PCBP3: variants seen among roughly 807,000 people sequenced by gnomAD.
PCBP3 encodes the protein poly(rC)-binding protein 3.
Under a neutral mutation model 52.7 loss-of-function variants are expected in PCBP3, and 25 were observed. That is an observed-to-expected ratio of 0.47 (90% CI 0.35 to 0.66). PCBP3 has a LOEUF of 0.66. Among genes scored for constraint, PCBP3 ranks in the 30% least tolerant of loss-of-function variants. PCBP3 has a pLI of 0.01. For synonymous variants in PCBP3, 162 were observed against 183.0 expected, an observed-to-expected ratio of 0.89 and a Z score of 0.93; for missense variants, 391 against 490.3, an observed-to-expected ratio of 0.80 and a Z score of 1.91.
intron 2 of PCBP3, among the ~76,000 whole-genome samples, chr21:45,697,654 A>G (rs974754438): frequency 1.3e-5 from 2 of 151,562 alleles, no homozygotes; most frequent in African/African-American, 4.9e-5. Context: ...CTGAGATGGG[A>G]GGATTGCTCG....
chr21:45,747,011 C>T (rs1011272738), intron 3 of PCBP3, among the ~76,000 whole-genome samples: 2 of 151,994 alleles, frequency 1.3e-5, no homozygotes, highest in African/African-American at 4.8e-5. Context: ...TTGTCAGCAT[C>T]GCTGTGTCAG....
At chr21:45,726,921 TAC>T (rs1165489047) in intron 2 of PCBP3, among the ~76,000 whole-genome samples, 2 of 152,382 alleles carry the variant, frequency 1.3e-5, no homozygotes, top group South Asian at 2.1e-4. Context: ...ATATTCTGGA[TAC>T]AGTCTTTTAT....
chr21:45,805,325 GA>G lies in PCBP3; in HGVS notation c.-125-44633del, dbSNP rs1395794138. Among the ~76,000 whole-genome samples, 7 of 152,072 alleles carry G rather than the reference GA, an allele frequency of 4.6e-5. No homozygotes were observed. ...AACCCCCCAGGTGGTGTCTGGGGGG[GA>G]AAGTAATTGGAAGATTATGGGTGGG... On this transcript the variant is annotated intron_variant, in intron 4 of 17. Coordinates refer to ENST00000681687, the MANE Select transcript of PCBP3 (RefSeq NM_001384156.1). This position sits in a 1 kb window ranked among gnomAD's most constrained non-coding sequence, Gnocchi z 4.6.
chr21:45,912,391 A>T (rs1008480843), intron 11 of PCBP3, among the ~76,000 whole-genome samples: 3 of 152,178 alleles, frequency 2.0e-5, no homozygotes, highest in Non-Finnish European at 2.9e-5. Flanking sequence ...CCCTCAGATG[A>T]AGAGTGACTG....
At chr21:45,925,539 C>G (rs2075285163) in intron 13 of PCBP3, among the ~76,000 whole-genome samples, 2 of 151,838 alleles carry the variant, frequency 1.3e-5, no homozygotes, top group Admixed American at 6.6e-5. Flanking sequence ...TTAAGCTGAA[C>G]AAATAGGCAA....
intron 3 of PCBP3, chr21:45,751,067 G>T (rs1448691526): frequency 6.6e-6 from 1 of 152,140 alleles, no homozygotes; most frequent in African/African-American, 2.4e-5. Context: ...TCCCAGCTCT[G>T]TGTTTAGTGA....
chr21:45,713,732 C>T (rs1157065729), intron 2 of PCBP3, among the ~76,000 whole-genome samples: 1 of 152,190 alleles, frequency 6.6e-6, no homozygotes, highest in Non-Finnish European at 1.5e-5. Context: ...AGCAGCCTCT[C>T]GATGGTGCTG....
At position 45,778,487 on chromosome 21, in the gene PCBP3, G is replaced by A. The variant is rs187945258; in HGVS notation, c.-126+23035G>A. Among the ~76,000 whole-genome samples the A allele has an allele frequency of 4.3e-4, 65 of 152,306 alleles. No individual in the cohort carries two copies. In the East Asian group the frequency reaches 0.011, roughly 26 times the overall value. On this transcript the variant is annotated intron_variant, in intron 4 of 17. Coordinates refer to ENST00000681687, the MANE Select transcript of PCBP3 (RefSeq NM_001384156.1). ...GCGCCCCTGGGAAACTGGCATGGGC[G>A]ATGACAATAGCAGTGGTGGGATGAT...
chr21:45,929,539 C>T (rs761224648), intron 13 of PCBP3, among the ~76,000 whole-genome samples: 11 of 152,230 alleles, frequency 7.2e-5, no homozygotes, highest in Non-Finnish European at 1.5e-4. Context: ...CCTTGAATCT[C>T]CTAGAAGTGC....
At position 45,901,051 on chromosome 21, in the gene PCBP3, A is replaced by G. The variant is rs773592828; in HGVS notation, c.277A>G (p.Ile93Val). 6 of 1,614,122 alleles carry G rather than the reference A, an allele frequency of 3.7e-6. No homozygotes were observed. The East Asian group carries it at 8.9e-5, about 24-fold the overall frequency. ...EGNCPERIVT[I>V]TGPTDAIFKA... ...AAACTGCCCAGAGAGGATTGTGACC[A>G]TCACAGGCCCCACAGACGCCATCTT... is the stretch of plus-strand genomic sequence containing the variant. Residue 93 changes from isoleucine (I) to valine (V), a missense_variant, in exon 9 of 18, where the codon ATC becomes GTC. By Grantham distance (29) the Ile-to-Val change is conservative. Coordinates refer to ENST00000681687, the MANE Select transcript of PCBP3 (RefSeq NM_001384156.1).
rs192311209 is a variant in PCBP3 at position 45,694,481 on chromosome 21, C to G, written c.-200+25529C>G. On this transcript the variant is annotated intron_variant, in intron 2 of 17. Transcript: ENST00000681687. ...ATATATTACCAGAGAAAAAGAAGGT[C>G]ATTGCATAATTATAAAAGGGCTAGT... is the stretch of plus-strand genomic sequence containing the variant. Among the ~76,000 whole-genome samples the G allele has an allele frequency of 3.2e-3, 492 of 152,176 alleles. 1 individual carries two copies. Among genetic ancestry groups the G allele is most frequent in the Non-Finnish European group, 5.4e-3 (366 of 67,992 alleles).
chr21:45,703,383 C>T (rs927747359), intron 2 of PCBP3, among the ~76,000 whole-genome samples: 11 of 152,360 alleles, frequency 7.2e-5, no homozygotes, highest in Non-Finnish European at 1.3e-4. Flanking sequence ...TACTCCTTGA[C>T]CCGTGTCTTG....
chr21:45,730,520 A>C (rs1356315004), intron 2 of PCBP3, among the ~76,000 whole-genome samples: 1 of 152,090 alleles, frequency 6.6e-6, no homozygotes, highest in African/African-American at 2.4e-5. Flanking sequence ...AATTGTGTGG[A>C]GTGTTCTATA....
At chr21:45,659,953 A>G (rs1467133164) in intron 1 of PCBP3, among the ~76,000 whole-genome samples, 4 of 152,180 alleles carry the variant, frequency 2.6e-5, no homozygotes, top group Non-Finnish European at 4.4e-5. Context: ...AATGTCTGCT[A>G]GGTCTAATTA....
chr21:45,680,237 T>G (rs1200447088), intron 2 of PCBP3, among the ~76,000 whole-genome samples: 1 of 152,222 alleles, frequency 6.6e-6, no homozygotes, highest in African/African-American at 2.4e-5. Flanking sequence ...TAGAACCAAC[T>G]TCTCTATATA....
In PCBP3 at chr21:45,805,808, T is replaced by C. The variant is rs930684967; in HGVS notation, c.-125-44153T>C. Among the ~76,000 whole-genome samples the C allele has an allele frequency of 6.6e-5, 10 of 152,082 alleles. No homozygotes were observed. Among genetic ancestry groups the C allele is most frequent in the Non-Finnish European group, 1.5e-4 (10 of 68,006 alleles). ...AGTGGTCCTGAGGAAAGCGCGCTCCTGTCTTTCTGTGGCAGCGAAGGTGGC... is the reference window on the plus strand; with the variant it reads ...AGTGGTCCTGAGGAAAGCGCGCTCCCGTCTTTCTGTGGCAGCGAAGGTGGC... On this transcript the variant is annotated intron_variant, in intron 4 of 17. Transcript: ENST00000681687. This position sits in a 1 kb window ranked among gnomAD's most constrained non-coding sequence, Gnocchi z 4.6.
chr21:45,860,679 G>C (rs539485478), intron 5 of PCBP3, among the ~76,000 whole-genome samples: 2 of 152,338 alleles, frequency 1.3e-5, no homozygotes, highest in East Asian at 3.9e-4. Flanking sequence ...GCGAGGCTGC[G>C]TGACAGCGCA....
intron 5 of PCBP3, chr21:45,859,739 G>A (rs142311903): frequency 0.021 from 3,215 of 152,442 alleles, 39 homozygotes; most frequent in Non-Finnish European, 0.033. Flanking sequence ...TGGGGATCGT[G>A]CACCGTGAGC....
chr21:45,914,218 C>T, intron 12 of PCBP3, 193 bp downstream of exon 12: 1 of 840,364 alleles, frequency 1.2e-6, no homozygotes, highest in South Asian at 1.9e-5. Context: ...GGCATTCCCC[C>T]ACAGAGACGG....
Sources: gnomAD v4.1 joint callset for allele counts (sites outside exome capture counted in the v4.1 genomes callset) on GRCh38, gnomAD v4.1.1 for gene constraint, Gnocchi (gnomAD v3.1) non-coding constraint, MANE v1.5 for transcripts, NCBI Gene and HGNC (gene_info 2026-07-23, HGNC 2026-07-21) for gene names.